GLMN: variants seen among roughly 807,000 people sequenced by gnomAD.
The protein encoded by GLMN is glomulin, FKBP associated protein.
A neutral mutation model predicts 87.8 loss-of-function variants in GLMN; 75 were observed. That is an observed-to-expected ratio of 0.85 (90% confidence interval 0.71 to 1.04). The LOEUF is 1.04. Ranked by LOEUF, GLMN falls within the 50% of genes least tolerant of loss-of-function variation. GLMN has a pLI of 0.00. For synonymous variants in GLMN, 206 were observed against 221.6 expected, an observed-to-expected ratio of 0.93 and a Z score of 0.63; for missense variants, 588 against 658.8, an observed-to-expected ratio of 0.89 and a Z score of 1.18.
chr1:92,303,465 C>G (rs920239303), upstream of GLMN, among the ~76,000 whole-genome samples: 1 of 152,146 alleles, frequency 6.6e-6, no homozygotes, highest in East Asian at 1.9e-4. Context: ...CATCACCTCA[C>G]CACTCTGTAC....
chr1:92,288,048 TA>T (rs143908735), intron 6 of GLMN, among the ~76,000 whole-genome samples: 7,821 of 151,150 alleles, frequency 0.052, 538 homozygotes, highest in African/African-American at 0.17. Context: ...TTTTTTTTTT[TA>T]AATAACAAGT....
the GLMN span, among the ~76,000 whole-genome samples, chr1:92,305,429 T>C: frequency 4.4e-5 from 1 of 22,786 alleles, no homozygotes; most frequent in Admixed American, 6.3e-4. Context: ...TGAGGCTCCG[T>C]CTCAAAAAAA....
chr1:92,344,730 C>T, the GLMN span, among the ~76,000 whole-genome samples: 1 of 152,130 alleles, frequency 6.6e-6, no homozygotes, highest in Non-Finnish European at 1.5e-5. Context: ...ACTATTTCTT[C>T]CCATCCTCAC....
At chr1:92,251,857 A>G (rs1034689832) in intron 16 of GLMN, among the ~76,000 whole-genome samples, 1 of 150,074 alleles carries the variant, frequency 6.7e-6, no homozygotes, top group Non-Finnish European at 1.5e-5. Context: ...GTGCAGAGGC[A>G]TGATCTGAGC....
the GLMN span, chr1:92,320,522 A>G: frequency 2.5e-5 from 29 of 1,169,016 alleles, no homozygotes; most frequent in Non-Finnish European, 3.7e-5. Context: ...CCGCCTGCCC[A>G]GCCTCCGAAA....
chr1:92,327,301 C>T, the GLMN span, among the ~76,000 whole-genome samples: 131,367 of 152,154 alleles, frequency 0.86, 57,140 homozygotes, highest in East Asian at 1. Context: ...ATCTCATTTC[C>T]TAGGTCTCGT....
At chr1:92,324,920 T>G in the GLMN span, among the ~76,000 whole-genome samples, 1 of 152,348 alleles carries the variant, frequency 6.6e-6, no homozygotes, top group East Asian at 1.9e-4. Context: ...ACATCTGTTG[T>G]GTCATTTACT....
Position 92,246,579 on chromosome 1 carries a change from A to T in GLMN, c.1736T>A (p.Ile579Asn), listed in dbSNP as rs764738023. ...ESVLARVEELIEIKTKSTSEE... is the reference protein window; with the variant it reads ...ESVLARVEELNEIKTKSTSEE... The stretch of plus-strand genomic sequence containing the variant: ...AGAGGTAGACTTTGTTTTTATTTCA[A>T]TGAGTTCTTCCACTCGAGCTAGAAC... The change falls in exon 19 of 19, where the codon ATT (isoleucine) becomes AAT (asparagine). Residue 579 changes from isoleucine (I) to asparagine (N), a missense_variant. Coordinates refer to ENST00000370360, the MANE Select transcript of GLMN (RefSeq NM_053274.3). 6.3e-7 allele frequency: 1 copy of T among 1,590,646 alleles called. No homozygotes were observed. The highest frequency in any genetic ancestry group is 1.7e-5 in the Admixed American group (1 of 59,924).
chr1:92,322,948 A>G, the GLMN span, among the ~76,000 whole-genome samples: 2 of 147,546 alleles, frequency 1.4e-5, no homozygotes, highest in Non-Finnish European at 3.0e-5. Flanking sequence ...TATATATTAT[A>G]TATAATATAC....
At chr1:92,327,290 T>C in the GLMN span, among the ~76,000 whole-genome samples, 1 of 152,200 alleles carries the variant, frequency 6.6e-6, no homozygotes, top group Non-Finnish European at 1.5e-5. Context: ...TGTTGCTTTC[T>C]ATCTCATTTC....
At chr1:92,304,336 T>C in the GLMN span, 1 of 1,519,218 alleles carries the variant, frequency 6.6e-7, no homozygotes, top group Non-Finnish European at 9.0e-7. Flanking sequence ...GTCTATGATA[T>C]TACTGAAAGA....
chr1:92,332,717 T>C, the GLMN span, among the ~76,000 whole-genome samples: 1 of 152,142 alleles, frequency 6.6e-6, no homozygotes, highest in African/African-American at 2.4e-5. Context: ...CAAGTCCTGG[T>C]CTCATACTTG....
the GLMN span, chr1:92,304,009 T>C: frequency 1.2e-6 from 2 of 1,613,026 alleles, no homozygotes; most frequent in South Asian, 1.1e-5. Flanking sequence ...ACTACAGTGA[T>C]GTCGTGGATG....
chr1:92,270,659 A>G (rs1303980907), intron 8 of GLMN, among the ~76,000 whole-genome samples: 2 of 152,086 alleles, frequency 1.3e-5, no homozygotes, highest in African/African-American at 2.4e-5. Context: ...AGTCCAGAAG[A>G]TATTACATTA....
chr1:92,342,288 C>A, the GLMN span, among the ~76,000 whole-genome samples: 27 of 152,256 alleles, frequency 1.8e-4, no homozygotes, highest in African/African-American at 6.3e-4. Flanking sequence ...CTACAGCAGA[C>A]AAGGAATTAG....
At chr1:92,369,716 T>G in the GLMN span, among the ~76,000 whole-genome samples, 1 of 151,964 alleles carries the variant, frequency 6.6e-6, no homozygotes, top group Non-Finnish European at 1.5e-5. Context: ...ATTAAACAGG[T>G]AAGTAATTAG....
At chr1:92,339,161 A>C in the GLMN span, among the ~76,000 whole-genome samples, 1 of 152,086 alleles carries the variant, frequency 6.6e-6, no homozygotes, top group African/African-American at 2.4e-5. Context: ...TTTTTTAAAA[A>C]ACTATTCTGA....
chr1:92,277,473 T>G (rs1647420638), intron 7 of GLMN, among the ~76,000 whole-genome samples: 1 of 152,196 alleles, frequency 6.6e-6, no homozygotes, highest in Non-Finnish European at 1.5e-5. Flanking sequence ...CTGCGTCTCC[T>G]GGATAGCCTC....
chr1:92,271,711 C>T (rs957300702), intron 7 of GLMN, 59 bp from the exon 8 acceptor site: 6 of 1,156,034 alleles, frequency 5.2e-6, no homozygotes, highest in Middle Eastern at 1.9e-4. Flanking sequence ...CCCCCCACCC[C>T]GTGTATTCAA....
Sources: gnomAD v4.1 joint callset for allele counts (sites outside exome capture counted in the v4.1 genomes callset) on GRCh38, gnomAD v4.1.1 for gene constraint, MANE v1.5 for transcripts, NCBI Gene and HGNC (gene_info 2026-07-23, HGNC 2026-07-21) for gene names.